PARP1: variants seen among roughly 807,000 people sequenced by gnomAD.
The protein encoded by PARP1 is poly(ADP-ribose) polymerase 1.
A neutral mutation model predicts 118.7 loss-of-function variants in PARP1; 44 were observed. The observed-to-expected ratio is 0.37, with a 90% confidence interval of 0.29 to 0.48. The LOEUF is 0.48. PARP1 is among the 20% of genes least tolerant of loss of function. The probability of loss-of-function intolerance (pLI) is 0.99; values close to 1 mark genes in which losing one functional copy is unlikely to be tolerated. For synonymous variants in PARP1, 492 were observed against 483.2 expected (o/e 1.02, Z -0.24); for missense variants, 1,100 against 1,272.4 (o/e 0.86, Z 2.06).
rs758878069 is a variant in PARP1, at chr1:226,379,997, C to T, written c.1468G>A (p.Val490Ile). 15 of 1,614,224 alleles carry T rather than the reference C, an allele frequency of 9.3e-6. No homozygotes were observed. Among genetic ancestry groups the T allele is most frequent in the Non-Finnish European group, 1.3e-5 (15 of 1,180,038 alleles). The change falls in exon 10 of 23, where the codon GTT becomes ATT. Residue 490 changes from valine (V) to isoleucine (I), a missense_variant. Physicochemically the swap from Val to Ile is conservative, Grantham distance 29. Transcript: ENST00000366794. The part of the protein sequence containing the change: ...PWGAEVKAEP[V>I]EVVAPRGKSG... ...TTCCCTCTTGGGGCCACAACTTCAA[C>T]AGGCTCTGCCTTCACCTCTGCCCCC...
chr1:226,369,540 T>C (rs1664336578), intron 15 of PARP1, among the ~76,000 whole-genome samples: 1 of 152,220 alleles, frequency 6.6e-6, no homozygotes, highest in Admixed American at 6.5e-5. Flanking sequence ...CAGGTGACCC[T>C]TGAACAATCG....
At chr1:226,407,760 T>C (rs1311473271) in intron 1 of PARP1, 50 bp downstream of exon 1, 25 of 1,446,264 alleles carry the variant, frequency 1.7e-5, no homozygotes, top group Non-Finnish European at 2.2e-5. Flanking sequence ...CGGACACAGT[T>C]AACCCGGGGC....
At chr1:226,379,054 C>T (rs761093558) in intron 12 of PARP1, 88 bp downstream of exon 12, 132 of 1,516,594 alleles carry the variant, frequency 8.7e-5, no homozygotes, top group Admixed American at 5.7e-4. Context: ...CTGGGCCTAA[C>T]GGGTTTCACA....
chr1:226,369,511 T>TA (rs1205575435), intron 15 of PARP1, among the ~76,000 whole-genome samples: 2 of 152,216 alleles, frequency 1.3e-5, no homozygotes, highest in Non-Finnish European at 2.9e-5. Context: ...TAAGGACACA[T>TA]AAAATAAAAA....
intron 2 of PARP1, among the ~76,000 whole-genome samples, chr1:226,394,373 C>G (rs1443728493): frequency 6.6e-6 from 1 of 152,068 alleles, no homozygotes; most frequent in Non-Finnish European, 1.5e-5. Flanking sequence ...AAAGGAAACA[C>G]TTAGGAATGG....
At chr1:226,362,580 G>A (rs192413808) in intron 21 of PARP1, among the ~76,000 whole-genome samples, 82 of 152,212 alleles carry the variant, frequency 5.4e-4, no homozygotes, top group African/African-American at 1.8e-3. Flanking sequence ...ATCACATTTC[G>A]GCTCAATAGA....
At chr1:226,374,181 C>A in intron 14 of PARP1, 45 bp downstream of exon 14, 1 of 1,610,068 alleles carries the variant, frequency 6.2e-7, no homozygotes, top group African/African-American at 1.3e-5. Context: ...AGCAAATAAT[C>A]ATCCACAGCA....
intron 14 of PARP1, among the ~76,000 whole-genome samples, chr1:226,372,830 T>G (rs1359151861): frequency 1.3e-5 from 2 of 152,132 alleles, no homozygotes; most frequent in Admixed American, 1.3e-4. Flanking sequence ...AAAACGTGAA[T>G]GAAACGAGCC....
At chr1:226,374,140 C>A (rs1228231529) in intron 14 of PARP1, 86 bp downstream of exon 14, 2 of 1,494,526 alleles carry the variant, frequency 1.3e-6, no homozygotes, top group East Asian at 4.5e-5. Context: ...GAAACAGAAA[C>A]AAGAACAGGC....
intron 2 of PARP1, among the ~76,000 whole-genome samples, chr1:226,401,694 G>A (rs1345257593): frequency 6.6e-6 from 1 of 152,148 alleles, no homozygotes; most frequent in Non-Finnish European, 1.5e-5. Flanking sequence ...TCTTAAGGGG[G>A]CTGCAGAAGG....
intron 16 of PARP1, among the ~76,000 whole-genome samples, 196 bp from the exon 17 acceptor site, chr1:226,367,804 T>C (rs1208138027): frequency 6.6e-6 from 1 of 152,202 alleles, no homozygotes; most frequent in Non-Finnish European, 1.5e-5. Context: ...TAACAAGGCC[T>C]TGTGGCCTGG....
chr1:226,377,312 G>A lies in PARP1; in HGVS notation c.1746-9C>T. On this transcript the variant is annotated splice_polypyrimidine_tract_variant and intron_variant, in intron 12 of 22. Transcript: ENST00000366794. ...ACCTGAATATCCAATACCTGCAGTG[G>A]GAAGGAGGGTGTCAGATACACATGT... The A allele has an allele frequency of 6.2e-7, 1 of 1,610,582 alleles. No individual in the cohort carries two copies. Among genetic ancestry groups the A allele is most frequent in the South Asian group, 1.1e-5 (1 of 90,990 alleles).
intron 2 of PARP1, among the ~76,000 whole-genome samples, chr1:226,398,224 T>C (rs1260866109): frequency 6.6e-6 from 1 of 151,848 alleles, no homozygotes; most frequent in East Asian, 1.9e-4. Context: ...TGAGAAAAAA[T>C]ATTTTCAAAA....
intron 8 of PARP1, among the ~76,000 whole-genome samples, chr1:226,382,786 G>A (rs181635120): frequency 6.6e-6 from 1 of 152,300 alleles, no homozygotes; most frequent in Admixed American, 6.5e-5. Flanking sequence ...CTAAAGTGCT[G>A]GGATTACAGG....
intron 15 of PARP1, among the ~76,000 whole-genome samples, chr1:226,369,414 G>A (rs1664335034): frequency 6.6e-6 from 1 of 152,210 alleles, no homozygotes; most frequent in South Asian, 2.1e-4. Flanking sequence ...CTTGAAAGAT[G>A]CTCAAAGAAT....
intron 15 of PARP1, among the ~76,000 whole-genome samples, chr1:226,370,193 C>G (rs555268913): frequency 6.6e-6 from 1 of 152,220 alleles, no homozygotes; most frequent in Admixed American, 6.5e-5. Context: ...AGTTTATGGT[C>G]AGTTTACTAA....
intron 15 of PARP1, 33 bp from the exon 16 acceptor site, chr1:226,368,354 TGAGGGA>T: frequency 1.9e-6 from 3 of 1,613,764 alleles, no homozygotes; most frequent in Non-Finnish European, 1.7e-6. Flanking sequence ...AATGCAAGAC[TGAGGGA>T]GCAGCTCCAA....
intron 2 of PARP1, among the ~76,000 whole-genome samples, chr1:226,394,743 C>T (rs927513582): frequency 5.9e-5 from 9 of 152,016 alleles, no homozygotes; most frequent in African/African-American, 1.4e-4. Context: ...CCACTGCACT[C>T]CAGCCTGGGT....
chr1:226,397,693 T>C (rs1353849058), intron 2 of PARP1, among the ~76,000 whole-genome samples: 1 of 152,192 alleles, frequency 6.6e-6, no homozygotes, highest in Non-Finnish European at 1.5e-5. Flanking sequence ...CCATGTCAAC[T>C]GCCGGCTTCT....
Sources: gnomAD v4.1 joint callset for allele counts (sites outside exome capture counted in the v4.1 genomes callset) on GRCh38, gnomAD v4.1.1 for gene constraint, MANE v1.5 for transcripts, NCBI Gene and HGNC (gene_info 2026-07-23, HGNC 2026-07-21) for gene names.